SCD5: variants seen among roughly 807,000 people sequenced by gnomAD.
The protein encoded by SCD5 is stearoyl-CoA desaturase 5.
A neutral mutation model predicts 30.4 loss-of-function variants in SCD5; 20 were observed. The ratio of observed to expected loss-of-function variants is 0.66; its 90% CI spans 0.46 to 0.96. The LOEUF is 0.96. SCD5 is among the 40% of genes least tolerant of loss of function. The pLI, the probability that SCD5 is intolerant of heterozygous loss-of-function variation, is 0.00. For synonymous variants in SCD5, 173 were observed against 176.4 expected, an observed-to-expected ratio of 0.98 and a Z score of 0.16; for missense variants, 381 against 443.3, an observed-to-expected ratio of 0.86 and a Z score of 1.26.
chr4:82,679,608 G>T (rs1232566673), intron 3 of SCD5, among the ~76,000 whole-genome samples: 1 of 152,052 alleles, frequency 6.6e-6, no homozygotes, highest in Non-Finnish European at 1.5e-5. Flanking sequence ...CCATTTTATA[G>T]ATGAAGCTGA....
intron 3 of SCD5, among the ~76,000 whole-genome samples, chr4:82,637,705 C>G (rs771251121): frequency 6.6e-6 from 1 of 152,200 alleles, no homozygotes; most frequent in Non-Finnish European, 1.5e-5. Flanking sequence ...GCAGCCTAAT[C>G]AAGCTTCTGG....
chr4:82,746,947 C>T (rs1204573743), intron 1 of SCD5, among the ~76,000 whole-genome samples: 1 of 82,668 alleles, frequency 1.2e-5, no homozygotes, highest in African/African-American at 3.1e-5. Context: ...TGGACGCAGA[C>T]ACAAGGGCGT....
rs1720122680 is a variant in SCD5 at position 82,712,289 on chromosome 4, TATATATATTTTATTTTTATTTTA to T, written c.233-6899_233-6877del. ...ATATATATATATATATATATATATA[TATATATATTTTATTTTTATTTTA>T]TTTTTTTTTTTTGAGATGAAGTCTC... On this transcript the variant is annotated intron_variant, in intron 1 of 4. Coordinates refer to ENST00000319540, the MANE Select transcript of SCD5 (RefSeq NM_001037582.3). Among the ~76,000 whole-genome samples, 2 of 47,866 alleles carry T rather than the reference TATATATATTTTATTTTTATTTTA, an allele frequency of 4.2e-5. 1 individual carries two copies. Among genetic ancestry groups the T allele is most frequent in the African/African-American group, 2.1e-4 (2 of 9,338 alleles). The allele number at this position is 47,866 out of a possible 152,430, so 31.4% of individuals were successfully genotyped here.
intron 2 of SCD5, among the ~76,000 whole-genome samples, chr4:82,686,776 A>G (rs1382837457): frequency 1.3e-5 from 2 of 151,006 alleles, no homozygotes; most frequent in African/African-American, 4.9e-5. Flanking sequence ...CTCTGAAATT[A>G]TTAGAAAGAA....
chr4:82,780,931 C>T (rs893075802), intron 1 of SCD5, among the ~76,000 whole-genome samples: 1 of 152,202 alleles, frequency 6.6e-6, no homozygotes, highest in Non-Finnish European at 1.5e-5. Flanking sequence ...TTTGTATTTC[C>T]TCTTCCCTAT....
At chr4:82,765,726 C>T (rs981906435) in intron 1 of SCD5, among the ~76,000 whole-genome samples, 3 of 151,916 alleles carry the variant, frequency 2.0e-5, no homozygotes, top group African/African-American at 4.8e-5. Context: ...AAGTGATTCT[C>T]GTGCCTCAGC....
chr4:82,765,411 T>A (rs1277460944), intron 1 of SCD5, among the ~76,000 whole-genome samples: 1 of 152,166 alleles, frequency 6.6e-6, no homozygotes, highest in African/African-American at 2.4e-5. Flanking sequence ...TCCCTTGGTA[T>A]CCACAGTGAA....
chr4:82,739,791 A>G (rs750896787), intron 1 of SCD5, among the ~76,000 whole-genome samples: 5 of 152,354 alleles, frequency 3.3e-5, no homozygotes, highest in Non-Finnish European at 7.3e-5. Flanking sequence ...AAAACTTGAT[A>G]ATTTTTTTAG....
chr4:82,677,958 T>C (rs1371162011), intron 3 of SCD5, among the ~76,000 whole-genome samples: 2 of 152,040 alleles, frequency 1.3e-5, no homozygotes, highest in South Asian at 2.1e-4. Flanking sequence ...GCCAGGAGCA[T>C]GCCTTTAACA....
chr4:82,760,176 C>T (rs1315144818), intron 1 of SCD5, among the ~76,000 whole-genome samples: 2 of 152,188 alleles, frequency 1.3e-5, no homozygotes, highest in Non-Finnish European at 2.9e-5. Context: ...TAAAACTTTT[C>T]TCAGTCCTCC....
chr4:82,684,098 C>T (rs1431354177), intron 2 of SCD5, among the ~76,000 whole-genome samples: 1 of 151,970 alleles, frequency 6.6e-6, no homozygotes, highest in Non-Finnish European at 1.5e-5. Flanking sequence ...ATGAAAAGAC[C>T]CATCATGATG....
At position 82,798,578 on chromosome 4, in the gene SCD5, A is replaced by G; in HGVS notation, c.-41T>C. 6.6e-7 allele frequency: 1 copy of G among 1,512,922 alleles called. No individual in the cohort carries two copies. Among genetic ancestry groups the G allele is most frequent in the Non-Finnish European group, 8.9e-7 (1 of 1,127,054 alleles). 93.7% of individuals were successfully genotyped at this position (1,512,922 alleles called of 1,614,324 possible). A position where few individuals can be genotyped will look rare whatever the true frequency, so the allele number is the denominator to read the frequency against. On this transcript the variant is annotated 5_prime_UTR_variant, in exon 1 of 5. Transcript: ENST00000319540. ...GCGCCCGCAGCAGCGGCAGGCAGGC[A>G]GGCGCTCTGCCCGAGCGGAGCTCGA...
At chr4:82,710,010 T>C (rs1026706293) in intron 1 of SCD5, among the ~76,000 whole-genome samples, 1 of 152,196 alleles carries the variant, frequency 6.6e-6, no homozygotes, top group African/African-American at 2.4e-5. Flanking sequence ...AATAAATGCC[T>C]TGGGACCTCT....
intron 1 of SCD5, among the ~76,000 whole-genome samples, chr4:82,778,733 C>T: frequency 6.6e-6 from 1 of 152,180 alleles, no homozygotes; most frequent in East Asian, 1.9e-4. Context: ...GGTTAGTTTT[C>T]CTCAGTGTCT....
chr4:82,798,763 C>G lies in SCD5; in HGVS notation c.-226G>C, dbSNP rs944862236. ...CCGGCGTCTGTTGCTGGCGTATCCC[C>G]CATATGGCTGCCCGGGCTGAACTCG... On this transcript the variant is annotated 5_prime_UTR_variant, in exon 1 of 5. Transcript: ENST00000319540. 1 of 510,178 alleles carries G rather than the reference C, an allele frequency of 2.0e-6. No homozygotes were observed. The highest frequency in any genetic ancestry group is 2.0e-5 in the African/African-American group (1 of 48,938). 31.6% of individuals were successfully genotyped at this position (510,178 alleles called of 1,614,324 possible).
chr4:82,676,154 T>C (rs562403397), intron 3 of SCD5, among the ~76,000 whole-genome samples: 2 of 152,120 alleles, frequency 1.3e-5, no homozygotes, highest in Admixed American at 6.5e-5. Flanking sequence ...GTTTGCACCA[T>C]GAAATGACAC....
At chr4:82,730,786 A>G (rs1009940566) in intron 1 of SCD5, among the ~76,000 whole-genome samples, 20 of 150,326 alleles carry the variant, frequency 1.3e-4, no homozygotes, top group East Asian at 8.0e-4. Context: ...GGGTTTCACC[A>G]TGTTAGCCAA....
chr4:82,744,283 CT>C (rs1249207853), intron 1 of SCD5, among the ~76,000 whole-genome samples: 1 of 152,138 alleles, frequency 6.6e-6, no homozygotes, highest in Admixed American at 6.5e-5. Context: ...ACCCATATTT[CT>C]TTTTACTTAT....
At chr4:82,786,791 T>G (rs1051488728) in intron 1 of SCD5, among the ~76,000 whole-genome samples, 1 of 73,792 alleles carries the variant, frequency 1.4e-5, no homozygotes, top group Non-Finnish European at 3.5e-5. Context: ...AGACTTTGCC[T>G]TAAAAAAAAA....
Sources: allele counts gnomAD v4.1 joint callset (sites outside exome capture counted in the v4.1 genomes callset), GRCh38; gene constraint gnomAD v4.1.1; transcripts MANE v1.5; gene names NCBI Gene and HGNC (gene_info 2026-07-23, HGNC 2026-07-21).